The following TNFRSF10A variants were observed in gnomAD, a reference collection of about 807,000 sequenced individuals.
TNFRSF10A encodes tumor necrosis factor receptor superfamily member 10A.
Under a neutral mutation model 42.8 loss-of-function variants are expected in TNFRSF10A, and 44 were observed. The observed-to-expected ratio is 1.03, with a 90% CI of 0.81 to 1.32. The LOEUF is 1.32. Ranked by LOEUF, TNFRSF10A falls within the 40% of genes most tolerant of loss-of-function variation. TNFRSF10A has a pLI of 0.00. For synonymous variants in TNFRSF10A, 259 were observed against 234.2 expected, an observed-to-expected ratio of 1.11 and a Z score of -0.97; for missense variants, 680 against 602.0, an observed-to-expected ratio of 1.13 and a Z score of -1.36.
At chr8:23,196,329 G>T (rs1317949132) in intron 9 of TNFRSF10A, among the ~76,000 whole-genome samples, 1 of 152,062 alleles carries the variant, frequency 6.6e-6, no homozygotes. Flanking sequence ...GAATAGCTGG[G>T]ACTACAGGCG....
rs981123704 is a variant in TNFRSF10A at position 23,191,230 on chromosome 8, A to G, written c.*464T>C. ...TCCAATTGACCACCATGATAAGGAA[A>G]CACACGGAGGCCAGCTCAGGGGAGA... On this transcript the variant is annotated 3_prime_UTR_variant, in exon 10 of 10. Transcript: ENST00000221132. The G allele has an allele frequency of 1.2e-5, 2 of 164,902 alleles. No individual in the cohort carries two copies. Among genetic ancestry groups the G allele is most frequent in the Admixed American group, 5.9e-5 (1 of 16,940 alleles). 10.2% of individuals were successfully genotyped at this position (164,902 alleles called of 1,614,324 possible). A position where few individuals can be genotyped will look rare whatever the true frequency, so the allele number is the denominator to read the frequency against.
chr8:23,218,095 G>A (rs1801209740), intron 1 of TNFRSF10A, among the ~76,000 whole-genome samples: 1 of 152,232 alleles, frequency 6.6e-6, no homozygotes. Context: ...GGTGAGGTCA[G>A]AGAAGTGAGG....
intron 1 of TNFRSF10A, among the ~76,000 whole-genome samples, chr8:23,218,203 A>G (rs1213277546): frequency 6.6e-6 from 1 of 150,542 alleles, no homozygotes; most frequent in Non-Finnish European, 1.5e-5. Flanking sequence ...AGAGCAAGAG[A>G]GAGAGGTCTT....
chr8:23,191,878 A>G lies in TNFRSF10A; in HGVS notation c.1223T>C (p.Leu408Ser). Residue 408 changes from leucine to serine, a missense_variant, in exon 10 of 10, where the codon TTG becomes TCG. Transcript: ENST00000221132. ...RAGTAGPGDALYAMLMKWVNK... is the reference protein window; with the variant it reads ...RAGTAGPGDASYAMLMKWVNK... The stretch of plus-strand genomic sequence containing the variant: ...GACCCATTTCATCAGCATTGCATAC[A>G]AGGCATCCCCTGGGCCTGCTGTACC... 1 of 1,613,986 alleles carries G rather than the reference A, an allele frequency of 6.2e-7. No individual in the cohort carries two copies. Among genetic ancestry groups the G allele is most frequent in the Non-Finnish European group, 8.5e-7 (1 of 1,179,986 alleles).
chr8:23,199,032 C>G (rs1183457059), intron 8 of TNFRSF10A, among the ~76,000 whole-genome samples: 4 of 152,230 alleles, frequency 2.6e-5, no homozygotes, highest in Non-Finnish European at 4.4e-5. Flanking sequence ...GACCCCCACT[C>G]TATTCCTCTG....
intron 4 of TNFRSF10A, among the ~76,000 whole-genome samples, chr8:23,200,999 C>G (rs546694090): frequency 1.1e-4 from 17 of 152,176 alleles, no homozygotes; most frequent in Admixed American, 3.9e-4. Context: ...GTTCCAGGAG[C>G]CTTCTGTGCT....
chr8:23,209,584 C>T (rs1585284928), intron 2 of TNFRSF10A, among the ~76,000 whole-genome samples: 1 of 152,214 alleles, frequency 6.6e-6, no homozygotes, highest in Admixed American at 6.5e-5. Flanking sequence ...AGGAGTCAAA[C>T]GAGATCATTT....
chr8:23,217,808 ACCCTC>A (rs1801205464), intron 1 of TNFRSF10A, among the ~76,000 whole-genome samples: 1 of 151,858 alleles, frequency 6.6e-6, no homozygotes, highest in Non-Finnish European at 1.5e-5. Context: ...AAAAGGCACG[ACCCTC>A]CCTTTCCTTA....
rs1010410185 is a variant in TNFRSF10A at position 23,191,441 on chromosome 8, T to G, written c.*253A>C. 8 of 575,188 alleles carry G rather than the reference T, an allele frequency of 1.4e-5. No homozygotes were observed. Among genetic ancestry groups the G allele is most frequent in the Non-Finnish European group, 2.4e-5 (8 of 332,204 alleles). The allele number at this position is 575,188 out of a possible 1,614,324, so 35.6% of individuals were successfully genotyped here. A position where few individuals can be genotyped will look rare whatever the true frequency, so the allele number is the denominator to read the frequency against. ...AGCCTCCCGAGTAGCCGAGAATATA[T>G]GCACACACCATCACATCCAGTTAAT... On this transcript the variant is annotated 3_prime_UTR_variant, in exon 10 of 10. Coordinates refer to ENST00000221132, the MANE Select transcript of TNFRSF10A (RefSeq NM_003844.4).
rs181177374 is a variant in TNFRSF10A, at chr8:23,214,023, C to A, written c.307-1811G>T. Among the ~76,000 whole-genome samples, 33 of 152,024 alleles carry A rather than the reference C, an allele frequency of 2.2e-4. No homozygotes were observed. The East Asian group carries it at 6.3e-3, about 29-fold the overall frequency. On this transcript the variant is annotated intron_variant, in intron 1 of 9. Coordinates refer to ENST00000221132, the MANE Select transcript of TNFRSF10A (RefSeq NM_003844.4). Reference sequence around the variant, plus strand: ...TCTGAGATTTTAGTGTGCCTGTCATCTGTCTCAAGATATTTTCTTTCTTTT... The same window carrying A: ...TCTGAGATTTTAGTGTGCCTGTCATATGTCTCAAGATATTTTCTTTCTTTT...
At chr8:23,207,169 A>C in intron 2 of TNFRSF10A, 1 of 588,676 alleles carries the variant, frequency 1.7e-6, no homozygotes, top group Non-Finnish European at 3.2e-6. Flanking sequence ...AAGATAGAAG[A>C]CGACAACAAC....
chr8:23,204,762 A>G (rs1800982266), intron 2 of TNFRSF10A, among the ~76,000 whole-genome samples: 1 of 152,170 alleles, frequency 6.6e-6, no homozygotes, highest in South Asian at 2.1e-4. Flanking sequence ...ACTGGGGAAC[A>G]TCACAGCTAT....
intron 9 of TNFRSF10A, among the ~76,000 whole-genome samples, chr8:23,193,051 G>C (rs1281687770): frequency 6.6e-6 from 1 of 152,140 alleles, no homozygotes; most frequent in African/African-American, 2.4e-5. Flanking sequence ...TAAACCCTTA[G>C]TTTTAGTTGG....
intron 2 of TNFRSF10A, among the ~76,000 whole-genome samples, chr8:23,204,413 A>G (rs557857017): frequency 6.6e-6 from 1 of 152,342 alleles, no homozygotes; most frequent in African/African-American, 2.4e-5. Flanking sequence ...TAAGATGAAA[A>G]CAAAGTAGGA....
chr8:23,200,841 G>C (rs538410292), intron 4 of TNFRSF10A, 81 bp from the exon 5 acceptor site: 58 of 1,311,500 alleles, frequency 4.4e-5, no homozygotes, highest in East Asian at 4.1e-4. Context: ...CACTCTCCCT[G>C]CCCAATGTCC....
chr8:23,198,507 A>G (rs1430610586), intron 8 of TNFRSF10A, among the ~76,000 whole-genome samples: 4 of 152,220 alleles, frequency 2.6e-5, no homozygotes, highest in African/African-American at 4.8e-5. Flanking sequence ...CATGAGTAGG[A>G]GAGCAGGCCT....
intron 9 of TNFRSF10A, among the ~76,000 whole-genome samples, chr8:23,192,847 A>G (rs778843590): frequency 1.3e-5 from 2 of 152,164 alleles, no homozygotes; most frequent in Non-Finnish European, 2.9e-5. Context: ...GAAACTTAAC[A>G]TTTGTTTTAT....
chr8:23,204,732 GA>G (rs1458508457), intron 2 of TNFRSF10A, among the ~76,000 whole-genome samples: 1 of 152,006 alleles, frequency 6.6e-6, no homozygotes, highest in Non-Finnish European at 1.5e-5. Flanking sequence ...AATAAAATTA[GA>G]AATCAATAGC....
chr8:23,225,031 C>CTAGA lies in TNFRSF10A; in HGVS notation c.27_30dup (p.Gly11SerfsTer37). ...TTCGGAGTCACTGCCAGGAACGCACCTAGATGTACTCTAGCTGGTGGTGGC... is the reference window on the plus strand; with the variant it reads ...TTCGGAGTCACTGCCAGGAACGCACCTAGATAGATGTACTCTAGCTGGTGGTGGC... On this transcript the variant is annotated frameshift_variant, in exon 1 of 10. Transcript: ENST00000221132. LOFTEE classifies it high-confidence loss of function. The CTAGA allele has an allele frequency of 6.4e-7, 1 of 1,563,600 alleles. No individual in the cohort carries two copies. The highest frequency in any genetic ancestry group is 8.7e-7 in the Non-Finnish European group (1 of 1,153,366).
Sources: allele counts gnomAD v4.1 joint callset (sites outside exome capture counted in the v4.1 genomes callset), GRCh38; gene constraint gnomAD v4.1.1; transcripts MANE v1.5; gene names NCBI Gene and HGNC (gene_info 2026-07-23, HGNC 2026-07-21).